The following GPHN variants were observed in gnomAD, a reference collection of about 807,000 sequenced individuals.
GPHN encodes the protein gephyrin.
Under a neutral mutation model 95.5 loss-of-function variants are expected in GPHN, and 17 were observed. The observed-to-expected ratio is 0.18, with a 90% CI of 0.12 to 0.27. The LOEUF is 0.27. GPHN is among the 10% of genes least tolerant of loss of function. GPHN has a pLI of 1.00. For missense variants in GPHN, 660 were observed against 978.1 expected (o/e 0.67, Z 4.34); for synonymous variants, 320 against 322.5 (o/e 0.99, Z 0.08).
chr14:66,833,018 A>G (rs1032283212), intron 4 of GPHN, among the ~76,000 whole-genome samples: 1 of 152,184 alleles, frequency 6.6e-6, no homozygotes, highest in Non-Finnish European at 1.5e-5. Flanking sequence ...GGATGGATAC[A>G]CTAGACCTAC....
chr14:67,383,441 C>T, the GPHN span: 44 of 1,612,682 alleles, frequency 2.7e-5, no homozygotes, highest in Non-Finnish European at 3.7e-5. Flanking sequence ...TGAAGATTAA[C>T]TTTGTGGGAA....
chr14:67,240,623 C>T, the GPHN span, among the ~76,000 whole-genome samples: 4 of 152,220 alleles, frequency 2.6e-5, no homozygotes, highest in Admixed American at 2.6e-4. Context: ...AGACACATTG[C>T]TGGTGTTTCT....
intron 21 of GPHN, among the ~76,000 whole-genome samples, chr14:67,177,063 G>A (rs1025158888): frequency 1.3e-5 from 2 of 151,948 alleles, no homozygotes; most frequent in Non-Finnish European, 2.9e-5. Context: ...AGGGTTTTTT[G>A]TGTCTCTATC....
chr14:66,909,930 C>T (rs1395820704), intron 5 of GPHN, among the ~76,000 whole-genome samples: 1 of 151,808 alleles, frequency 6.6e-6, no homozygotes, highest in East Asian at 1.9e-4. Context: ...GTCCTATAAA[C>T]CCAAGGTGTA....
intron 8 of GPHN, among the ~76,000 whole-genome samples, chr14:66,949,292 CCAGGCTGGTCTCGAA>C (rs1192771216): frequency 5.9e-5 from 9 of 152,210 alleles, no homozygotes; most frequent in African/African-American, 2.2e-4. Context: ...ACCATGTTAG[CCAGGCTGGTCTCGAA>C]CTGGCTGGTC....
chr14:67,654,805 A>G, the GPHN span, among the ~76,000 whole-genome samples: 25,532 of 151,536 alleles, frequency 0.17, 2,224 homozygotes, highest in African/African-American at 0.23. Flanking sequence ...TGAGGCGGGC[A>G]GATCATGAGG....
chr14:67,380,091 C>T, the GPHN span, among the ~76,000 whole-genome samples: 2 of 152,112 alleles, frequency 1.3e-5, no homozygotes, highest in African/African-American at 2.4e-5. Flanking sequence ...ATAGTTCTAC[C>T]TTTACTTTTT....
the GPHN span, among the ~76,000 whole-genome samples, chr14:67,621,448 C>T: frequency 5.9e-5 from 9 of 151,634 alleles, no homozygotes; most frequent in Non-Finnish European, 1.0e-4. Flanking sequence ...CTATATTTTC[C>T]GTGTTCTTTT....
At chr14:66,993,440 A>G (rs2071568210) in intron 9 of GPHN, among the ~76,000 whole-genome samples, 1 of 152,222 alleles carries the variant, frequency 6.6e-6, no homozygotes, top group South Asian at 2.1e-4. Flanking sequence ...TTCATTTAAC[A>G]CATTGCATTT....
intron 4 of GPHN, among the ~76,000 whole-genome samples, chr14:66,837,079 C>T (rs2061856583): frequency 6.6e-6 from 1 of 150,718 alleles, no homozygotes; most frequent in Non-Finnish European, 1.5e-5. Context: ...TTTGACCCAG[C>T]CATCCCATTA....
In GPHN at chr14:66,681,560, A is replaced by G. The variant is rs552126766; in HGVS notation, c.143+375A>G. Among the ~76,000 whole-genome samples the G allele has an allele frequency of 2.0e-5, 3 of 152,232 alleles. No homozygotes were observed. The East Asian group carries it at 5.8e-4, about 29-fold the overall frequency. On this transcript the variant is annotated intron_variant, in intron 2 of 22. Coordinates refer to ENST00000478722, the MANE Select transcript of GPHN (RefSeq NM_020806.5). ...TTTATAGTAATTATTTGTAATTATA[A>G]TTAGAAATATAAAGTAGTTATTTGT...
intron 2 of GPHN, among the ~76,000 whole-genome samples, chr14:66,687,541 T>C (rs1462871458): frequency 6.8e-6 from 1 of 146,372 alleles, no homozygotes; most frequent in Non-Finnish European, 1.5e-5. Flanking sequence ...CAGGCTGGAG[T>C]GCAATGGCAC....
the GPHN span, chr14:67,471,352 G>A: frequency 6.6e-6 from 1 of 152,324 alleles, no homozygotes; most frequent in East Asian, 1.9e-4. Flanking sequence ...GTGTGGTCTA[G>A]GGGCCCACAT....
chr14:67,534,625 T>C, the GPHN span, among the ~76,000 whole-genome samples: 2 of 152,082 alleles, frequency 1.3e-5, no homozygotes, highest in Admixed American at 6.5e-5. Context: ...CACCTTCCCA[T>C]AGACTGCTGA....
the GPHN span, among the ~76,000 whole-genome samples, chr14:67,311,310 CA>C: frequency 0.013 from 812 of 63,958 alleles, 4 homozygotes; most frequent in East Asian, 0.023. Flanking sequence ...GACTCCGTCT[CA>C]AAAAAAAAAA....
At chr14:67,312,557 C>G in the GPHN span, 18 of 1,602,130 alleles carry the variant, frequency 1.1e-5, no homozygotes, top group Non-Finnish European at 1.5e-5. Context: ...TGACTATGAC[C>G]CCTCAGATGA....
intron 9 of GPHN, among the ~76,000 whole-genome samples, chr14:66,967,719 C>G (rs889928653): frequency 1.3e-5 from 2 of 151,456 alleles, no homozygotes; most frequent in African/African-American, 4.8e-5. Context: ...ATTATAATTT[C>G]ATATTAATTT....
intron 9 of GPHN, among the ~76,000 whole-genome samples, chr14:66,983,242 ACTC>A (rs1488342827): frequency 6.6e-6 from 1 of 151,916 alleles, no homozygotes; most frequent in Non-Finnish European, 1.5e-5. Context: ...ACAGAGCCAG[ACTC>A]CATCTCAAAA....
intron 4 of GPHN, among the ~76,000 whole-genome samples, chr14:66,830,883 T>G (rs1327525288): frequency 2.6e-5 from 4 of 152,120 alleles, no homozygotes; most frequent in Admixed American, 2.6e-4. Flanking sequence ...TTAAAGAAAG[T>G]TACAAAAATT....
Sources: allele counts gnomAD v4.1 joint callset (sites outside exome capture counted in the v4.1 genomes callset), GRCh38; gene constraint gnomAD v4.1.1; transcripts MANE v1.5; gene names NCBI Gene and HGNC (gene_info 2026-07-23, HGNC 2026-07-21).